GPC5: variants seen among roughly 807,000 people sequenced by gnomAD.
The protein encoded by GPC5 is glypican 5.
A neutral mutation model predicts 53.9 loss-of-function variants in GPC5; 47 were observed. The ratio of observed to expected loss-of-function variants is 0.87; its 90% CI spans 0.69 to 1.11. GPC5 has a LOEUF of 1.11. GPC5 is among the 50% of genes most tolerant of loss of function. GPC5 has a pLI of 0.00. For missense variants in GPC5, 748 were observed against 713.1 expected, an observed-to-expected ratio of 1.05 and a Z score of -0.56; for synonymous variants, 286 against 263.3, an observed-to-expected ratio of 1.09 and a Z score of -0.84.
chr13:92,520,401 T>C (rs1880993219), intron 7 of GPC5, among the ~76,000 whole-genome samples: 3 of 152,052 alleles, frequency 2.0e-5, no homozygotes, highest in Admixed American at 1.3e-4. Flanking sequence ...GCAAACTGAA[T>C]CCAGAAGCAC....
chr13:92,191,212 G>A (rs979219587), intron 7 of GPC5, among the ~76,000 whole-genome samples: 11 of 152,054 alleles, frequency 7.2e-5, no homozygotes, highest in African/African-American at 2.2e-4. Context: ...GTCAAAATAC[G>A]TCAGGCAAAG....
At position 92,127,825 on chromosome 13, in the gene GPC5, CT is replaced by C. The variant is rs557625291; in HGVS notation, c.1402-16997del. On this transcript the variant is annotated intron_variant, in intron 6 of 7. Coordinates refer to ENST00000377067, the MANE Select transcript of GPC5 (RefSeq NM_004466.6). ...AATGAATTATTCATGTGAAAATTAA[CT>C]TTTTTTTGTATTTTCAAAGAAAAAA... is the stretch of plus-strand genomic sequence containing the variant. Among the ~76,000 whole-genome samples, 329 of 152,060 alleles carry C rather than the reference CT, an allele frequency of 2.2e-3. 2 individuals are homozygous for C. Among genetic ancestry groups the C allele is most frequent in the African/African-American group, 7.8e-3 (322 of 41,478 alleles).
At chr13:92,379,750 A>C (rs2043724225) in intron 7 of GPC5, among the ~76,000 whole-genome samples, 2 of 151,912 alleles carry the variant, frequency 1.3e-5, no homozygotes, top group Admixed American at 1.3e-4. Flanking sequence ...GCCCACTGCA[A>C]ATTAGCACTA....
intron 5 of GPC5, among the ~76,000 whole-genome samples, chr13:91,864,917 T>TA (rs2039067556): frequency 1.3e-5 from 2 of 149,532 alleles, no homozygotes; most frequent in African/African-American, 2.4e-5. Context: ...TTTTTTTTTT[T>TA]AATTTGAGAC....
chr13:92,268,129 G>A (rs753241214), intron 7 of GPC5, among the ~76,000 whole-genome samples: 7 of 151,288 alleles, frequency 4.6e-5, no homozygotes, highest in African/African-American at 9.7e-5. Context: ...AAAAAAAATC[G>A]CAAATGATTC....
chr13:92,351,634 AG>A (rs1193480629), intron 7 of GPC5, among the ~76,000 whole-genome samples: 2 of 152,246 alleles, frequency 1.3e-5, no homozygotes, highest in East Asian at 3.9e-4. Flanking sequence ...ATATAATACA[AG>A]TGTTTAACAA....
intron 7 of GPC5, among the ~76,000 whole-genome samples, chr13:92,780,648 C>G (rs1043641661): frequency 6.6e-6 from 1 of 151,814 alleles, no homozygotes; most frequent in African/African-American, 2.4e-5. Context: ...ATTATACCCA[C>G]TTAGAAGATT....
At chr13:91,819,350 C>T (rs866359473) in intron 5 of GPC5, among the ~76,000 whole-genome samples, 5 of 151,392 alleles carry the variant, frequency 3.3e-5, no homozygotes, top group South Asian at 2.1e-4. Flanking sequence ...TAGTACAGAC[C>T]GGGTTTCACC....
intron 7 of GPC5, among the ~76,000 whole-genome samples, chr13:92,186,011 ATTAAT>A (rs1004864465): frequency 1.3e-5 from 2 of 152,182 alleles, no homozygotes; most frequent in Non-Finnish European, 2.9e-5. Context: ...GTAATGAAAT[ATTAAT>A]TTAAAGTTAA....
chr13:92,348,490 T>A (rs1190463852), intron 7 of GPC5, among the ~76,000 whole-genome samples: 1 of 152,082 alleles, frequency 6.6e-6, no homozygotes, highest in Non-Finnish European at 1.5e-5. Flanking sequence ...TAAGAGACTT[T>A]AATATATCAC....
In GPC5 at chr13:92,806,043, C is replaced by T. The variant is rs1461426666; in HGVS notation, c.1562-60239C>T. Among the ~76,000 whole-genome samples, 3 of 152,032 alleles carry T rather than the reference C, an allele frequency of 2.0e-5. No homozygotes were observed. In the South Asian group the frequency reaches 6.2e-4, roughly 31 times the overall value. On this transcript the variant is annotated intron_variant, in intron 7 of 7. Transcript: ENST00000377067. ...CTCTAGCTATGAAAGTCCTAGATGG[C>T]ATCTTCTTCCAGTAGAAGGCTGTTT...
chr13:92,133,993 T>C (rs779150811), intron 6 of GPC5, among the ~76,000 whole-genome samples: 1 of 152,162 alleles, frequency 6.6e-6, no homozygotes, highest in Non-Finnish European at 1.5e-5. Context: ...TAGACATTAA[T>C]ACTGTCTACA....
intron 7 of GPC5, among the ~76,000 whole-genome samples, chr13:92,295,962 G>A (rs981699258): frequency 1.3e-5 from 2 of 152,284 alleles, no homozygotes; most frequent in Admixed American, 6.5e-5. Flanking sequence ...TTCAACACTA[G>A]TATGAAATGT....
chr13:92,092,666 C>A (rs1459901604), intron 6 of GPC5, among the ~76,000 whole-genome samples: 1 of 151,850 alleles, frequency 6.6e-6, no homozygotes, highest in Non-Finnish European at 1.5e-5. Context: ...ATTTTTTCTC[C>A]AGAATTGACT....
At chr13:92,692,814 T>A (rs1257004787) in intron 7 of GPC5, among the ~76,000 whole-genome samples, 5 of 138,298 alleles carry the variant, frequency 3.6e-5, no homozygotes, top group Non-Finnish European at 4.6e-5. Flanking sequence ...GTGGAGGATA[T>A]CTCACTGTGG....
At chr13:92,671,128 GAAA>G (rs199721720) in intron 7 of GPC5, among the ~76,000 whole-genome samples, 24,152 of 152,116 alleles carry the variant, frequency 0.16, 2,176 homozygotes, top group Non-Finnish European at 0.21. Context: ...AGACATGCTA[GAAA>G]TCTCAGAGCT....
intron 5 of GPC5, among the ~76,000 whole-genome samples, chr13:91,833,891 C>T (rs2038692321): frequency 6.6e-6 from 1 of 152,002 alleles, no homozygotes; most frequent in African/African-American, 2.4e-5. Context: ...AAGTTCTGGC[C>T]AGGGCAATCA....
rs147820719 is a variant in GPC5 at position 92,264,854 on chromosome 13, G to GTCTC, written c.1561+119887_1561+119890dup. On this transcript the variant is annotated intron_variant, in intron 7 of 7. Coordinates refer to ENST00000377067, the MANE Select transcript of GPC5 (RefSeq NM_004466.6). The stretch of plus-strand genomic sequence containing the variant: ...TTTTTGTGTCTTGTATATGTTTAGG[G>GTCTC]TCTCTCTCTCTCTCTCTCTCTCTCT... Among the ~76,000 whole-genome samples, 26 of 139,546 alleles carry GTCTC rather than the reference G, an allele frequency of 1.9e-4. No homozygotes were observed. In the East Asian group the frequency reaches 2.3e-3, roughly 12 times the overall value. 91.5% of individuals were successfully genotyped at this position (139,546 alleles called of 152,430 possible). A position where few individuals can be genotyped will look rare whatever the true frequency, so the allele number is the denominator to read the frequency against.
rs566524648 is a variant in GPC5 at position 92,421,142 on chromosome 13, C to CA, written c.1561+276155dup. ...GTACATGCTTTAATGACATCTTTGCCAAGTTCCATAACTTGCCTCTTCTAG... is the reference window on the plus strand; with the variant it reads ...GTACATGCTTTAATGACATCTTTGCCAAAGTTCCATAACTTGCCTCTTCTAG... On this transcript the variant is annotated intron_variant, in intron 7 of 7. Transcript: ENST00000377067. Among the ~76,000 whole-genome samples, 39 of 152,298 alleles carry CA rather than the reference C, an allele frequency of 2.6e-4. No homozygotes were observed. The East Asian group carries it at 7.2e-3, about 28-fold the overall frequency.
Sources: gnomAD v4.1 joint callset for allele counts (sites outside exome capture counted in the v4.1 genomes callset) on GRCh38, gnomAD v4.1.1 for gene constraint, MANE v1.5 for transcripts, NCBI Gene and HGNC (gene_info 2026-07-23, HGNC 2026-07-21) for gene names.